Variants in MID1 observed in about 807,000 individuals in gnomAD.
The protein encoded by MID1 is E3 ubiquitin-protein ligase Midline-1.
MID1 carries 7 observed loss-of-function variants against 40.4 expected under a neutral mutation model. The observed-to-expected ratio is 0.17, with a 90% CI of 0.10 to 0.33. The LOEUF is 0.33. Ranked by LOEUF, MID1 falls within the 10% of genes least tolerant of loss-of-function variation. The pLI is 1.00. For synonymous variants in MID1, 229 were observed against 221.2 expected, an observed-to-expected ratio of 1.04 and a Z score of -0.31; for missense variants, 367 against 558.5, an observed-to-expected ratio of 0.66 and a Z score of 3.46.
At chrX:10,690,662 G>T (rs560755773) in intron 1 of MID1, among the ~76,000 whole-genome samples, 27 of 111,625 alleles carry the variant, frequency 2.4e-4, no homozygotes, top group South Asian at 1.1e-3. Flanking sequence ...TTCAGGTCCT[G>T]TGTGATCTTG....
chrX:10,666,406 CAAAAAA>C (rs33938561), intron 1 of MID1, among the ~76,000 whole-genome samples: 7 of 68,854 alleles, frequency 1.0e-4, no homozygotes, highest in African/African-American at 3.2e-4. Flanking sequence ...TGATAAACTG[CAAAAAA>C]AAAAAAAAAA....
chrX:10,455,166 TAAAAGACAGG>T, intron 8 of MID1, 89 bp from the exon 9 acceptor site: 1 of 835,882 alleles, frequency 1.2e-6, no homozygotes, highest in Non-Finnish European at 1.8e-6. Context: ...AAATCAGGTT[TAAAAGACAGG>T]AACAAGCCAG....
At chrX:10,605,900 C>T (rs1324807425) in intron 1 of MID1, among the ~76,000 whole-genome samples, 3 of 110,979 alleles carry the variant, frequency 2.7e-5, no homozygotes, top group Non-Finnish European at 3.8e-5. Flanking sequence ...GTGATACCTC[C>T]GGTCACTTTA....
In MID1 at chrX:10,448,986, A is replaced by G. The variant is rs186618577; in HGVS notation, c.*382T>C. The G allele has an allele frequency of 6.5e-6, 1 of 153,863 alleles. No individual in the cohort carries two copies. Among genetic ancestry groups the G allele is most frequent in the Admixed American group, 7.3e-5 (1 of 13,745 alleles). 12.7% of individuals were successfully genotyped at this position (153,863 alleles called of 1,213,427 possible). ...TCAGGTAAGAAGATGAGTAACATACAAAACTACAAAAGTTTTTGTTTTTTT... is the reference window on the plus strand; with the variant it reads ...TCAGGTAAGAAGATGAGTAACATACGAAACTACAAAAGTTTTTGTTTTTTT... On this transcript the variant is annotated 3_prime_UTR_variant, in exon 10 of 10. Transcript: ENST00000317552.
intron 1 of MID1, among the ~76,000 whole-genome samples, chrX:10,653,922 T>G (rs923689672): frequency 1.8e-5 from 2 of 112,849 alleles, no homozygotes; most frequent in African/African-American, 6.4e-5. Flanking sequence ...TCTACCAAGA[T>G]TTTAATAGAA....
In MID1 at chrX:10,644,266, A is replaced by G. The variant is rs190011833; in HGVS notation, c.-186-23847T>C. ...AAATTAAATTGTGCCCTTTAAATGC[A>G]TTGATAAAGGAATATTATTACCTGC... On this transcript the variant is annotated intron_variant, in intron 1 of 10. Transcript: ENST00000380785. Among the ~76,000 whole-genome samples the G allele has an allele frequency of 4.5e-3, 500 of 111,045 alleles. 3 individuals carry two copies. Among genetic ancestry groups the G allele is most frequent in the African/African-American group, 0.016 (482 of 30,524 alleles).
In MID1 at chrX:10,685,898, A is replaced by ACG. The variant is rs1357423577; in HGVS notation, c.-186-65480_-186-65479insCG. Among the ~76,000 whole-genome samples, 8 of 108,507 alleles carry ACG rather than the reference A, an allele frequency of 7.4e-5. No individual in the cohort carries two copies. In the East Asian group the frequency reaches 2.3e-3, roughly 31 times the overall value. 94.2% of individuals were successfully genotyped at this position (108,507 alleles called of 115,157 possible). ...CTCATACACACACACACACACACAC[A>ACG]CACACACACACACACACACACTCAC... On this transcript the variant is annotated intron_variant, in intron 1 of 10. Coordinates refer to the MID1 transcript ENST00000380785.
At chrX:10,797,363 C>T (rs761953069) in intron 1 of MID1, among the ~76,000 whole-genome samples, 69 of 112,008 alleles carry the variant, frequency 6.2e-4, no homozygotes, top group African/African-American at 2.2e-3. Context: ...TAACAATTCA[C>T]TCAGAATTTT....
chrX:10,617,596 A>G (rs887171578), intron 1 of MID1, among the ~76,000 whole-genome samples: 11 of 112,148 alleles, frequency 9.8e-5, no homozygotes, highest in African/African-American at 3.6e-4. Flanking sequence ...TCTAGTAGGC[A>G]ATTTTGCCTA....
chrX:10,781,130 T>G (rs1250889271), intron 1 of MID1, among the ~76,000 whole-genome samples: 1 of 112,096 alleles, frequency 8.9e-6, no homozygotes, highest in Non-Finnish European at 1.9e-5. Context: ...AATCAAGCTT[T>G]TGCCTGAGTT....
chrX:10,723,285 C>G (rs995004260), intron 1 of MID1, among the ~76,000 whole-genome samples: 1 of 111,985 alleles, frequency 8.9e-6, no homozygotes, highest in Admixed American at 9.5e-5. Context: ...CCAGGGCCGA[C>G]TTTGCCTTCC....
chrX:10,555,963 C>T (rs780815219), intron 2 of MID1, among the ~76,000 whole-genome samples: 2 of 110,146 alleles, frequency 1.8e-5, no homozygotes, highest in East Asian at 2.9e-4. Flanking sequence ...TTCACTTCAG[C>T]GCTTTCCTCC....
chrX:10,647,814 A>G (rs1936277555), intron 1 of MID1, among the ~76,000 whole-genome samples: 1 of 111,927 alleles, frequency 8.9e-6, no homozygotes, highest in Non-Finnish European at 1.9e-5. Flanking sequence ...CGTAGGTAAA[A>G]GAAGAGCAGA....
At chrX:10,581,090 A>T (rs1054128204) in intron 1 of MID1, among the ~76,000 whole-genome samples, 2 of 110,828 alleles carry the variant, frequency 1.8e-5, no homozygotes, top group Non-Finnish European at 3.8e-5. Context: ...CTCTACTAAA[A>T]ATAGAAAAAT....
intron 2 of MID1, among the ~76,000 whole-genome samples, chrX:10,552,117 G>A (rs992761919): frequency 9.2e-6 from 1 of 108,803 alleles, no homozygotes; most frequent in African/African-American, 3.4e-5. Flanking sequence ...TTGTGAATCC[G>A]GCCCAAAGAA....
At chrX:10,811,244 C>T (rs929743406) in intron 1 of MID1, among the ~76,000 whole-genome samples, 2 of 112,033 alleles carry the variant, frequency 1.8e-5, no homozygotes, top group Non-Finnish European at 3.8e-5. Context: ...GTGGCATAGT[C>T]CATGAAAAAA....
At chrX:10,532,509 C>A (rs1933010805) in intron 2 of MID1, among the ~76,000 whole-genome samples, 1 of 110,579 alleles carries the variant, frequency 9.0e-6, no homozygotes, top group Non-Finnish European at 1.9e-5. Flanking sequence ...TGGACTCCAG[C>A]CTGGGGGACA....
intron 3 of MID1, among the ~76,000 whole-genome samples, chrX:10,516,266 C>T (rs966458875): frequency 3.0e-5 from 3 of 101,588 alleles, no homozygotes; most frequent in Non-Finnish European, 3.9e-5. Flanking sequence ...GTGATCTCAG[C>T]TCACTGCAAG....
chrX:10,526,689 G>A (rs918982897), intron 2 of MID1, among the ~76,000 whole-genome samples: 3 of 111,661 alleles, frequency 2.7e-5, no homozygotes, highest in Admixed American at 1.9e-4. Context: ...TATACATCAT[G>A]CATCAAATCT....
Sources: allele counts gnomAD v4.1 joint callset (sites outside exome capture counted in the v4.1 genomes callset), GRCh38; gene constraint gnomAD v4.1.1; transcripts MANE v1.5; gene names NCBI Gene and HGNC (gene_info 2026-07-23, HGNC 2026-07-21).